Variants in ADAMTSL3 observed in about 807,000 individuals in gnomAD.
ADAMTSL3 encodes ADAMTS-like protein 3.
ADAMTSL3 carries 128 observed loss-of-function variants against 201.7 expected under a neutral mutation model. The observed-to-expected ratio is 0.63, with a 90% confidence interval of 0.55 to 0.73. The LOEUF (loss-of-function observed/expected upper bound fraction) is 0.73, where lower values mean the gene tolerates loss of function less well. Ranked by LOEUF, ADAMTSL3 falls within the 30% of genes least tolerant of loss-of-function variation. The probability of loss-of-function intolerance (pLI) is 0.00; values close to 1 mark genes in which losing one functional copy is unlikely to be tolerated. For synonymous variants in ADAMTSL3, 738 were observed against 748.4 expected (o/e 0.99, Z 0.23); for missense variants, 1,990 against 2,119.6 (o/e 0.94, Z 1.20).
intron 9 of ADAMTSL3, among the ~76,000 whole-genome samples, chr15:83,883,378 G>A (rs2065315883): frequency 6.6e-6 from 1 of 151,696 alleles, no homozygotes; most frequent in Non-Finnish European, 1.5e-5. Context: ...TCACCATGTT[G>A]GCCAGGCTGG....
At chr15:83,702,538 C>G (rs1210413273) in intron 2 of ADAMTSL3, among the ~76,000 whole-genome samples, 1 of 152,158 alleles carries the variant, frequency 6.6e-6, no homozygotes, top group Non-Finnish European at 1.5e-5. Flanking sequence ...GGACCTGGTG[C>G]CCTGTGTCCC....
rs2061068642 is a variant in ADAMTSL3, at chr15:83,655,516, G to A, written c.-33-213G>A. On this transcript the variant is annotated intron_variant, in intron 1 of 29. Transcript: ENST00000286744. The stretch of plus-strand genomic sequence containing the variant: ...AGGTATGAGATGCCCACTGGAGACA[G>A]GTCCAGCCCTCGCCTGACTTTGTTG... Among the ~76,000 whole-genome samples the A allele has an allele frequency of 2.0e-5, 3 of 152,212 alleles. No homozygotes were observed. In the South Asian group the frequency reaches 6.2e-4, roughly 32 times the overall value.
At chr15:83,999,147 C>T (rs968929379) in intron 23 of ADAMTSL3, among the ~76,000 whole-genome samples, 3 of 152,142 alleles carry the variant, frequency 2.0e-5, no homozygotes, top group African/African-American at 4.8e-5. Context: ...ATTCCTGTAA[C>T]CCTTTCTCTA....
At chr15:83,659,085 C>T (rs2061130349) in intron 2 of ADAMTSL3, among the ~76,000 whole-genome samples, 1 of 152,194 alleles carries the variant, frequency 6.6e-6, no homozygotes, top group South Asian at 2.1e-4. Flanking sequence ...AGGTGCTGTA[C>T]TGTTTAGATT....
chr15:84,036,872 G>A lies in ADAMTSL3; in HGVS notation c.4854G>A (p.Gln1618=). Residue 1618 remains glutamine, a synonymous_variant, in exon 29 of 30, where the codon CAG becomes CAA. Coordinates refer to ENST00000286744, the MANE Select transcript of ADAMTSL3 (RefSeq NM_207517.3). ...CAGCAGCCTGTGGCAGGGGTTTCCA[G>A]TCTCGGAAAGTCGACTGTATCCACA... ...PCTAACGRGF[Q]SRKVDCIHTR... 1 of 1,614,166 alleles carries A rather than the reference G, an allele frequency of 6.2e-7. No homozygotes were observed. The highest frequency in any genetic ancestry group is 1.6e-4 in the Middle Eastern group (1 of 6,062).
rs1274908676 is a variant in ADAMTSL3 at position 83,982,508 on chromosome 15, C to T, written c.2880C>T (p.Gly960=). ...GCCTGCAGAACTCCAAACGGCTTGG[C>T]ATCACCAAGTCAGGCTCACTAAAAA... ...GRCLQNSKRL[G]ITKSGSLKIH... is the part of the protein sequence containing the mutation. The change falls in exon 21 of 30, where the codon GGC becomes GGT. Residue 960 remains glycine (G), a synonymous_variant. Transcript: ENST00000286744. 1.2e-6 allele frequency: 2 copies of T among 1,614,202 alleles called. No homozygotes were observed. The highest frequency in any genetic ancestry group is 1.7e-5 in the Admixed American group (1 of 60,032).
intron 20 of ADAMTSL3, among the ~76,000 whole-genome samples, chr15:83,974,889 T>C (rs139229564): frequency 5.3e-5 from 8 of 152,230 alleles, no homozygotes; most frequent in Non-Finnish European, 1.0e-4. Context: ...CCCTATTTTA[T>C]TGAAATGTCA....
chr15:83,906,591 ATG>A (rs1305551399), intron 15 of ADAMTSL3, among the ~76,000 whole-genome samples: 5 of 128,940 alleles, frequency 3.9e-5, no homozygotes, highest in Non-Finnish European at 7.9e-5. Flanking sequence ...ATTTTAGTAT[ATG>A]TATCTATATA....
intron 16 of ADAMTSL3, among the ~76,000 whole-genome samples, chr15:83,919,588 G>A (rs776366788): frequency 2.6e-5 from 4 of 152,076 alleles, no homozygotes; most frequent in Non-Finnish European, 5.9e-5. Context: ...ATGAATAGAG[G>A]GGATTTTTTT....
intron 9 of ADAMTSL3, among the ~76,000 whole-genome samples, chr15:83,879,741 G>A (rs1175111090): frequency 2.0e-5 from 3 of 152,134 alleles, no homozygotes; most frequent in African/African-American, 7.2e-5. Flanking sequence ...ATTAGGTCAC[G>A]TTTAGTAATT....
At chr15:83,665,272 G>A (rs755412225) in intron 2 of ADAMTSL3, among the ~76,000 whole-genome samples, 3 of 152,150 alleles carry the variant, frequency 2.0e-5, no homozygotes, top group Non-Finnish European at 4.4e-5. Flanking sequence ...TTAGGGACAC[G>A]TGAGGGTGGA....
chr15:83,754,865 TGAG>T (rs1486467089), intron 3 of ADAMTSL3, among the ~76,000 whole-genome samples: 1 of 152,202 alleles, frequency 6.6e-6, no homozygotes, highest in Non-Finnish European at 1.5e-5. Flanking sequence ...TCACAAAAGG[TGAG>T]GAGATTGGCG....
intron 20 of ADAMTSL3, 78 bp downstream of exon 20, chr15:83,970,715 G>A (rs1034745204): frequency 3.0e-5 from 46 of 1,544,472 alleles, no homozygotes; most frequent in African/African-American, 1.5e-4. Flanking sequence ...TTTTCCATAC[G>A]TCAACAGATT....
chr15:83,657,963 T>C (rs2061113764), intron 2 of ADAMTSL3, among the ~76,000 whole-genome samples: 1 of 152,176 alleles, frequency 6.6e-6, no homozygotes, highest in Admixed American at 6.5e-5. Context: ...TTTTGGTGTT[T>C]GGGTGGGGCT....
chr15:83,700,341 G>A (rs1026051709), intron 2 of ADAMTSL3, among the ~76,000 whole-genome samples: 1 of 152,074 alleles, frequency 6.6e-6, no homozygotes, highest in Non-Finnish European at 1.5e-5. Context: ...TTCTTTTTTT[G>A]TGTGCCAGGA....
chr15:83,725,937 T>C (rs1290134668), intron 3 of ADAMTSL3, among the ~76,000 whole-genome samples: 1 of 152,164 alleles, frequency 6.6e-6, no homozygotes, highest in Non-Finnish European at 1.5e-5. Flanking sequence ...AAGAATGTCA[T>C]TGATATTTTG....
intron 7 of ADAMTSL3, among the ~76,000 whole-genome samples, chr15:83,845,060 C>T (rs760276982): frequency 3.3e-5 from 5 of 152,198 alleles, no homozygotes; most frequent in Non-Finnish European, 7.3e-5. Flanking sequence ...TTGCACCGAC[C>T]CATCCCTGAA....
chr15:83,664,120 T>C, intron 2 of ADAMTSL3, among the ~76,000 whole-genome samples: 1 of 152,178 alleles, frequency 6.6e-6, no homozygotes. Flanking sequence ...AATGTAAACT[T>C]TTGAGGTTTT....
chr15:83,749,115 G>A (rs1483335245), intron 3 of ADAMTSL3, among the ~76,000 whole-genome samples: 1 of 152,142 alleles, frequency 6.6e-6, no homozygotes, highest in Non-Finnish European at 1.5e-5. Context: ...GTCCTAAGTT[G>A]GACTGAGCTG....
Sources: gnomAD v4.1 joint callset for allele counts (sites outside exome capture counted in the v4.1 genomes callset) on GRCh38, gnomAD v4.1.1 for gene constraint, MANE v1.5 for transcripts, NCBI Gene and HGNC (gene_info 2026-07-23, HGNC 2026-07-21) for gene names.